Variants in CHRM5 observed in about 807,000 individuals in gnomAD.
CHRM5 encodes cholinergic receptor muscarinic 5.
A neutral mutation model predicts 39.0 loss-of-function variants in CHRM5; 18 were observed. That is an observed-to-expected ratio of 0.46 (90% confidence interval 0.32 to 0.68). CHRM5 has a LOEUF of 0.68. Among genes scored for constraint, CHRM5 ranks in the 30% least tolerant of loss-of-function variants. The pLI is 0.04. For missense variants in CHRM5, 515 were observed against 651.1 expected, an observed-to-expected ratio of 0.79 and a Z score of 2.28; for synonymous variants, 241 against 246.3, an observed-to-expected ratio of 0.98 and a Z score of 0.20.
At chr15:34,038,900 TCCGCCTCCGTCC>T (rs1899312496) in intron 1 of CHRM5, 7 of 1,121,314 alleles carry the variant, frequency 6.2e-6, no homozygotes, top group African/African-American at 1.8e-5. Flanking sequence ...GGCCCCGGCG[TCCGCCTCCGTCC>T]CCGCCGCCGC....
chr15:33,989,532 C>T (rs17236700), intron 1 of CHRM5, among the ~76,000 whole-genome samples: 33,320 of 151,614 alleles, frequency 0.22, 4,152 homozygotes, highest in Middle Eastern at 0.41. Flanking sequence ...TCTATTCCAC[C>T]ACCTAAACAC....
chr15:33,975,823 G>A (rs892782498), intron 1 of CHRM5, among the ~76,000 whole-genome samples: 2 of 152,144 alleles, frequency 1.3e-5, no homozygotes, highest in African/African-American at 2.4e-5. Context: ...CCAGCTACTC[G>A]GGAGGCTGAG....
At chr15:33,976,126 C>T (rs516625) in intron 1 of CHRM5, among the ~76,000 whole-genome samples, 147,260 of 152,220 alleles carry the variant, frequency 0.97, 71,368 homozygotes, top group Non-Finnish European at 1. Flanking sequence ...CTAAATATTA[C>T]AACCAGCAGG....
intron 1 of CHRM5, among the ~76,000 whole-genome samples, chr15:34,013,202 C>T (rs1897712148): frequency 6.6e-6 from 1 of 152,106 alleles, no homozygotes; most frequent in South Asian, 2.1e-4. Context: ...GCTGGGATTA[C>T]AGGCGCGCGC....
At chr15:33,993,394 C>A (rs1896807903) in intron 1 of CHRM5, among the ~76,000 whole-genome samples, 1 of 152,170 alleles carries the variant, frequency 6.6e-6, no homozygotes, top group South Asian at 2.1e-4. Context: ...CAACCGTCCC[C>A]TTTCCCATAT....
At chr15:34,051,765 T>A (rs191247811) in intron 2 of CHRM5, among the ~76,000 whole-genome samples, 127 of 151,990 alleles carry the variant, frequency 8.4e-4, no homozygotes, top group Non-Finnish European at 1.0e-3. Context: ...CCTGAACACA[T>A]ACACCCTCCC....
intron 1 of CHRM5, among the ~76,000 whole-genome samples, chr15:34,038,283 T>C (rs1899249104): frequency 6.6e-6 from 1 of 152,166 alleles, no homozygotes; most frequent in Non-Finnish European, 1.5e-5. Context: ...CAACAAACTT[T>C]TTATTATGCG....
intron 1 of CHRM5, among the ~76,000 whole-genome samples, chr15:34,001,733 C>A (rs1897145986): frequency 6.6e-6 from 1 of 152,164 alleles, no homozygotes; most frequent in African/African-American, 2.4e-5. Context: ...GTGCTCCTGA[C>A]TCACAATTTT....
chr15:34,002,912 T>TA (rs1897192190), intron 1 of CHRM5: 2 of 990,176 alleles, frequency 2.0e-6, no homozygotes, highest in Non-Finnish European at 2.9e-6. Context: ...TTACTTGAAT[T>TA]AAAAATCCAA....
chr15:34,047,073 GT>G (rs56218206), intron 2 of CHRM5, among the ~76,000 whole-genome samples: 88,573 of 145,084 alleles, frequency 0.61, 32,014 homozygotes, highest in Non-Finnish European at 0.82. Flanking sequence ...TTTTTTGTTG[GT>G]TTTTTTTTTT....
chr15:33,987,655 C>A (rs1896535898), intron 1 of CHRM5, among the ~76,000 whole-genome samples: 1 of 152,228 alleles, frequency 6.6e-6, no homozygotes. Flanking sequence ...GCTGCTTGGT[C>A]CACCTGCATC....
At chr15:34,060,908 G>A (rs991268825) in intron 2 of CHRM5, among the ~76,000 whole-genome samples, 1 of 151,712 alleles carries the variant, frequency 6.6e-6, no homozygotes, top group African/African-American at 2.4e-5. Context: ...CCCAGCTACT[G>A]GGGAGGCTGA....
In CHRM5 at chr15:34,018,737, C is replaced by T. The variant is rs547209660; in HGVS notation, c.-407-27803C>T. On this transcript the variant is annotated intron_variant, in intron 1 of 2. Coordinates refer to ENST00000383263, the MANE Select transcript of CHRM5 (RefSeq NM_012125.4). ...TTATTCCCTTATTTGGCCCTGCCCA[C>T]GTCCTACTGATTGGTCCATTTTACA... Among the ~76,000 whole-genome samples the T allele has an allele frequency of 3.7e-3, 571 of 152,334 alleles. 2 individuals carry two copies. The highest frequency in any genetic ancestry group is 6.1e-3 in the Non-Finnish European group (416 of 68,020).
In CHRM5 at chr15:33,999,002, TG is replaced by T. The variant is rs1170776958; in HGVS notation, c.-408+29853del. Among the ~76,000 whole-genome samples the T allele has an allele frequency of 1.2e-4, 18 of 152,352 alleles. No homozygotes were observed. The East Asian group carries it at 2.3e-3, about 20-fold the overall frequency. On this transcript the variant is annotated intron_variant, in intron 1 of 2. Transcript: ENST00000383263. ...CCCCACATTCCTCTATCCAGCAGCC[TG>T]CTCCATGTCGCCTATTAGATGTTGT...
chr15:34,038,856 C>T lies in CHRM5; in HGVS notation c.-407-7684C>T, dbSNP rs1002922620. 6.0e-6 allele frequency: 7 copies of T among 1,157,894 alleles called. No homozygotes were observed. In the African/African-American group the frequency reaches 1.2e-4, roughly 19 times the overall value. 71.7% of individuals were successfully genotyped at this position (1,157,894 alleles called of 1,614,324 possible). A position where few individuals can be genotyped will look rare whatever the true frequency, so the allele number is the denominator to read the frequency against. On this transcript the variant is annotated intron_variant, in intron 1 of 2. Transcript: ENST00000383263. ...CGGGGCGCCTCCTCCTCCTCGGCCT[C>T]CGCGAGCGCCGCGGAAGCCCCGGCC...
At position 33,986,102 on chromosome 15, in the gene CHRM5, T is replaced by TC. The variant is rs761633178; in HGVS notation, c.-408+16952_-408+16953insC. 3.9e-3 allele frequency among the ~76,000 whole-genome samples: 11 copies of TC among 2,794 alleles called. No homozygotes were observed. In the East Asian group the frequency reaches 0.053, roughly 14 times the overall value. 1.8% of individuals were successfully genotyped at this position (2,794 alleles called of 152,430 possible). A position where few individuals can be genotyped will look rare whatever the true frequency, so the allele number is the denominator to read the frequency against. ...CACATTTCACTGTAAATTTTTTTTT[T>TC]TGTTTTTTGTTTTTTGTTTTTTGAG... On this transcript the variant is annotated intron_variant, in intron 1 of 2. Transcript: ENST00000383263.
intron 1 of CHRM5, among the ~76,000 whole-genome samples, chr15:34,024,850 G>C (rs1358427200): frequency 2.3e-5 from 3 of 133,102 alleles, no homozygotes; most frequent in Non-Finnish European, 3.3e-5. Context: ...GACAAAGCAA[G>C]ACTCCTTCTC....
intron 1 of CHRM5, among the ~76,000 whole-genome samples, chr15:33,984,864 C>G (rs1896355977): frequency 6.6e-6 from 1 of 152,126 alleles, no homozygotes; most frequent in Non-Finnish European, 1.5e-5. Flanking sequence ...TTCACTCATT[C>G]AGCAAGCTCT....
At chr15:34,025,724 G>A (rs1475708133) in intron 1 of CHRM5, among the ~76,000 whole-genome samples, 1 of 152,068 alleles carries the variant, frequency 6.6e-6, no homozygotes, top group Non-Finnish European at 1.5e-5. Context: ...AAAAAAAATT[G>A]TGTGTGTGTG....
Sources: allele counts gnomAD v4.1 joint callset (sites outside exome capture counted in the v4.1 genomes callset), GRCh38; gene constraint gnomAD v4.1.1; transcripts MANE v1.5; gene names NCBI Gene and HGNC (gene_info 2026-07-23, HGNC 2026-07-21).